BCAS3: variants seen among roughly 807,000 people sequenced by gnomAD.
BCAS3 encodes BCAS3 microtubule associated cell migration factor, also known as BCAS4/BCAS3 fusion.
BCAS3 carries 53 observed loss-of-function variants against 116.1 expected under a neutral mutation model. The observed-to-expected ratio is 0.46, with a 90% CI of 0.37 to 0.57. The LOEUF is 0.57. Ranked by LOEUF, BCAS3 falls within the 20% of genes least tolerant of loss-of-function variation. The pLI, the probability that BCAS3 is intolerant of heterozygous loss-of-function variation, is 0.00. For synonymous variants in BCAS3, 391 were observed against 408.2 expected (o/e 0.96, Z 0.51); for missense variants, 917 against 1,165.4 (o/e 0.79, Z 3.10).
chr17:60,939,781 T>C (rs960808397), intron 13 of BCAS3, among the ~76,000 whole-genome samples: 4 of 152,210 alleles, frequency 2.6e-5, no homozygotes, highest in African/African-American at 4.8e-5. Context: ...ATACTGTACA[T>C]CTAAAATGAA....
chr17:61,201,575 C>G (rs919302947), intron 22 of BCAS3, among the ~76,000 whole-genome samples: 3 of 152,078 alleles, frequency 2.0e-5, no homozygotes, highest in Non-Finnish European at 4.4e-5. Flanking sequence ...AAATGTGGTG[C>G]TGGAGGAGGT....
In BCAS3 at chr17:61,362,255, G is replaced by A. The variant is rs188240751; in HGVS notation, c.2426-6072G>A. The stretch of plus-strand genomic sequence containing the variant: ...CACTGGTTCCCCTCATCATGCCTGG[G>A]ATCATTTCTTAGTTATTGTAGACGT... On this transcript the variant is annotated intron_variant, in intron 22 of 23. Coordinates refer to ENST00000407086, the MANE Select transcript of BCAS3 (RefSeq NM_017679.5). The surrounding 1 kb of genome is among the most constrained non-coding windows in gnomAD (Gnocchi z 4.4). Among the ~76,000 whole-genome samples, 5 of 152,188 alleles carry A rather than the reference G, an allele frequency of 3.3e-5. No individual in the cohort carries two copies. Among genetic ancestry groups the A allele is most frequent in the Non-Finnish European group, 7.3e-5 (5 of 68,028 alleles).
At chr17:61,254,208 G>A (rs1361915409) in intron 22 of BCAS3, among the ~76,000 whole-genome samples, 1 of 152,156 alleles carries the variant, frequency 6.6e-6, no homozygotes, top group Non-Finnish European at 1.5e-5. Flanking sequence ...ACCTTCAGGA[G>A]ATTTAACCCT....
At chr17:60,982,374 A>G (rs999534913) in intron 14 of BCAS3, among the ~76,000 whole-genome samples, 2 of 152,194 alleles carry the variant, frequency 1.3e-5, no homozygotes, top group Admixed American at 1.3e-4. Flanking sequence ...TGGCACAGTC[A>G]TAACTCACTG....
rs2056187731 is a variant in BCAS3 at position 61,330,572 on chromosome 17, C to A, written c.2426-37755C>A. ...TGCCTCTGCGGCCAGTGGACTAAGT[C>A]CATGATGAAGCTGAGACTCACATTC... On this transcript the variant is annotated intron_variant, in intron 22 of 23. Transcript: ENST00000407086. Among the ~76,000 whole-genome samples, 3 of 152,218 alleles carry A rather than the reference C, an allele frequency of 2.0e-5. No individual in the cohort carries two copies. In the South Asian group the frequency reaches 6.2e-4, roughly 32 times the overall value.
At chr17:60,718,051 A>G (rs1444672749) in intron 5 of BCAS3, among the ~76,000 whole-genome samples, 1 of 152,146 alleles carries the variant, frequency 6.6e-6, no homozygotes, top group African/African-American at 2.4e-5. Flanking sequence ...CGCCTATGAT[A>G]ATCTAATGCT....
intron 6 of BCAS3, among the ~76,000 whole-genome samples, chr17:60,794,213 G>T (rs2047020513): frequency 6.6e-6 from 1 of 152,152 alleles, no homozygotes; most frequent in South Asian, 2.1e-4. Context: ...CTTCTTTTGA[G>T]AACTGTCTAT....
chr17:60,843,003 C>T (rs1047851967), intron 7 of BCAS3, among the ~76,000 whole-genome samples: 1 of 151,784 alleles, frequency 6.6e-6, no homozygotes, highest in African/African-American at 2.4e-5. Context: ...TCCTAAGCAG[C>T]TAGGAATGTA....
In BCAS3 at chr17:60,757,319, AAAT is replaced by A. The variant is rs201190405; in HGVS notation, c.403+10052_403+10054del. Among the ~76,000 whole-genome samples the A allele has an allele frequency of 9.8e-3, 601 of 61,336 alleles. 9 individuals are homozygous for A. The South Asian group carries it at 0.12, about 12-fold the overall frequency. 40.2% of individuals were successfully genotyped at this position (61,336 alleles called of 152,430 possible). A position where few individuals can be genotyped will look rare whatever the true frequency, so the allele number is the denominator to read the frequency against. The stretch of plus-strand genomic sequence containing the variant: ...GACAGAGCAAGACTCTGTCTCAAAA[AAAT>A]AATAATAATAAATAAATAAATAAAT... On this transcript the variant is annotated intron_variant, in intron 6 of 23. Transcript: ENST00000407086.
Position 61,198,266 on chromosome 17 carries a change from A to G in BCAS3, c.2425+113702A>G, listed in dbSNP as rs1227481048. Among the ~76,000 whole-genome samples the G allele has an allele frequency of 1.3e-5, 2 of 150,674 alleles. No individual in the cohort carries two copies. Among genetic ancestry groups the G allele is most frequent in the Non-Finnish European group, 2.9e-5 (2 of 67,816 alleles). On this transcript the variant is annotated intron_variant, in intron 22 of 23. Transcript: ENST00000407086. The surrounding 1 kb of genome is among the most constrained non-coding windows in gnomAD (Gnocchi z 5.0). Reference sequence around the variant, plus strand: ...TGCCATTCTCCTGCCTCAGCCTCCCAAGTAGCTGGGACTACAGGCGCCAGC... The same window carrying G: ...TGCCATTCTCCTGCCTCAGCCTCCCGAGTAGCTGGGACTACAGGCGCCAGC...
chr17:61,299,013 A>G (rs111871115), intron 22 of BCAS3, among the ~76,000 whole-genome samples: 30,522 of 151,394 alleles, frequency 0.2, 4,275 homozygotes, highest in African/African-American at 0.37. Flanking sequence ...AGTAGAGATG[A>G]GATTTCGCCA....
Position 61,205,884 on chromosome 17 carries a change from A to G in BCAS3, c.2425+121320A>G, listed in dbSNP as rs1169509677. On this transcript the variant is annotated intron_variant, in intron 22 of 23. Transcript: ENST00000407086. This position sits in a 1 kb window ranked among gnomAD's most constrained non-coding sequence, Gnocchi z 5.2. ...TGTTTCGGGAGCAAAAGATAAGGCA[A>G]ACACAACCAAAAAGACAGCCCTTTT... Among the ~76,000 whole-genome samples, 1 of 152,204 alleles carries G rather than the reference A, an allele frequency of 6.6e-6. No homozygotes were observed. The highest frequency in any genetic ancestry group is 1.5e-5 in the Non-Finnish European group (1 of 68,038).
intron 7 of BCAS3, among the ~76,000 whole-genome samples, chr17:60,815,110 A>G (rs1031796882): frequency 2.0e-5 from 3 of 152,222 alleles, no homozygotes; most frequent in Admixed American, 6.5e-5. Context: ...AATACTATGC[A>G]GCCATAAAAA....
chr17:61,199,725 T>A lies in BCAS3; in HGVS notation c.2425+115161T>A, dbSNP rs1326023765. On this transcript the variant is annotated intron_variant, in intron 22 of 23. Coordinates refer to ENST00000407086, the MANE Select transcript of BCAS3 (RefSeq NM_017679.5). This position sits in a 1 kb window ranked among gnomAD's most constrained non-coding sequence, Gnocchi z 4.6. ...CAGTGACAGCTTAATTTTGATAGGA[T>A]CCCTATGATCTTTGTAAGCGTATTC... is the stretch of plus-strand genomic sequence containing the variant. 6.6e-6 allele frequency among the ~76,000 whole-genome samples: 1 copy of A among 152,156 alleles called. No individual in the cohort carries two copies.
rs543563659 is a variant in BCAS3 at position 61,045,685 on chromosome 17, G to A, written c.2029+4793G>A. 2.6e-3 allele frequency among the ~76,000 whole-genome samples: 375 copies of A among 143,380 alleles called. 4 individuals are homozygous for A. The highest frequency in any genetic ancestry group is 8.9e-3 in the African/African-American group (344 of 38,612). The allele number at this position is 143,380 out of a possible 152,430, so 94.1% of individuals were successfully genotyped here. A position where few individuals can be genotyped will look rare whatever the true frequency, so the allele number is the denominator to read the frequency against. On this transcript the variant is annotated intron_variant, in intron 19 of 23. Coordinates refer to ENST00000407086, the MANE Select transcript of BCAS3 (RefSeq NM_017679.5). Reference sequence around the variant, plus strand: ...ACAAAATTTAGCCAGGTGTGGTGGCGCGCACCTGTAATTCCAGCTACTCGG... The same window carrying A: ...ACAAAATTTAGCCAGGTGTGGTGGCACGCACCTGTAATTCCAGCTACTCGG...
At position 61,171,392 on chromosome 17, in the gene BCAS3, G is replaced by A. The variant is rs2078832892; in HGVS notation, c.2425+86828G>A. 1.3e-5 allele frequency among the ~76,000 whole-genome samples: 2 copies of A among 152,074 alleles called. No individual in the cohort carries two copies. Among genetic ancestry groups the A allele is most frequent in the South Asian group, 4.1e-4 (2 of 4,830 alleles). On this transcript the variant is annotated intron_variant, in intron 22 of 23. Coordinates refer to ENST00000407086, the MANE Select transcript of BCAS3 (RefSeq NM_017679.5). The surrounding 1 kb of genome is among the most constrained non-coding windows in gnomAD (Gnocchi z 4.1). ...GAAAAAAATGGAACAAAGAATAAAT[G>A]TATGAACTAATAGAAAACATTTAGC...
chr17:60,692,448 T>C (rs919499094), intron 4 of BCAS3, among the ~76,000 whole-genome samples: 4 of 152,274 alleles, frequency 2.6e-5, no homozygotes, highest in African/African-American at 9.6e-5. Flanking sequence ...TTCATCATGT[T>C]AGCCAGGATG....
At chr17:60,822,716 T>C (rs1408486062) in intron 7 of BCAS3, among the ~76,000 whole-genome samples, 1 of 152,242 alleles carries the variant, frequency 6.6e-6, no homozygotes, top group Non-Finnish European at 1.5e-5. Flanking sequence ...TTTAAGGAAT[T>C]GCACTTCCAG....
rs953218423 is a variant in BCAS3, at chr17:61,235,551, T to C, written c.2426-132776T>C. Among the ~76,000 whole-genome samples, 1 of 152,174 alleles carries C rather than the reference T, an allele frequency of 6.6e-6. No individual in the cohort carries two copies. The highest frequency in any genetic ancestry group is 2.4e-5 in the African/African-American group (1 of 41,438). ...GTGACTACGTAGTACAGAAGTACAG[T>C]GAAATATGAGATTCCTGAGCCTTTA... On this transcript the variant is annotated intron_variant, in intron 22 of 23. Transcript: ENST00000407086. The surrounding 1 kb of genome is among the most constrained non-coding windows in gnomAD (Gnocchi z 5.0).
Sources: gnomAD v4.1 joint callset for allele counts (sites outside exome capture counted in the v4.1 genomes callset) on GRCh38, gnomAD v4.1.1 for gene constraint, Gnocchi (gnomAD v3.1) non-coding constraint, MANE v1.5 for transcripts, NCBI Gene and HGNC (gene_info 2026-07-23, HGNC 2026-07-21) for gene names.